GATM: variants seen among roughly 807,000 people sequenced by gnomAD.
The protein encoded by GATM is glycine amidinotransferase, mitochondrial.
In GATM, 23 loss-of-function variants were observed where a neutral mutation model predicts 54.2. That is an observed-to-expected ratio of 0.42 (90% CI 0.31 to 0.60). The LOEUF (loss-of-function observed/expected upper bound fraction) is 0.60, where lower values mean the gene tolerates loss of function less well. Ranked by LOEUF, GATM falls within the 20% of genes least tolerant of loss-of-function variation. GATM has a pLI of 0.14. For synonymous variants in GATM, 168 were observed against 183.1 expected, an observed-to-expected ratio of 0.92 and a Z score of 0.67; for missense variants, 401 against 544.9, an observed-to-expected ratio of 0.74 and a Z score of 2.63.
upstream of GATM, among the ~76,000 whole-genome samples, chr15:45,383,108 T>C (rs1047104005): frequency 6.6e-6 from 1 of 152,214 alleles, no homozygotes; most frequent in Non-Finnish European, 1.5e-5. Context: ...GCCAGAGTCC[T>C]TAATCAATTG....
At position 45,362,199 on chromosome 15, in the gene GATM, GT is replaced by G; in HGVS notation, c.1181del (p.Asn394ThrfsTer34). On this transcript the variant is annotated frameshift_variant, in exon 9 of 9. Transcript: ENST00000396659. LOFTEE classifies it high-confidence loss of function. ...CTCCCAGGGAATTGGCATTACGAATGTTAACTTTAATGGTAGTGATACCTGC... is the reference window on the plus strand; with the variant it reads ...CTCCCAGGGAATTGGCATTACGAATGTAACTTTAATGGTAGTGATACCTGC... ...EKLGITTIKV[N>X]IRNANSLGGG... 1 of 1,612,404 alleles carries G rather than the reference GT, an allele frequency of 6.2e-7. No individual in the cohort carries two copies. Among genetic ancestry groups the G allele is most frequent in the South Asian group, 1.1e-5 (1 of 91,026 alleles).
chr15:45,387,293 C>A (rs1482772252), intron 3 of GATM, among the ~76,000 whole-genome samples: 1 of 152,186 alleles, frequency 6.6e-6, no homozygotes, highest in Non-Finnish European at 1.5e-5. Context: ...CTGTAGCAAC[C>A]AAATTTCTGA....
At chr15:45,372,235 C>T (rs992200084) in intron 2 of GATM, among the ~76,000 whole-genome samples, 1 of 152,200 alleles carries the variant, frequency 6.6e-6, no homozygotes, top group African/African-American at 2.4e-5. Context: ...TGAGTAGTTG[C>T]AACAGAGACC....
chr15:45,363,221 G>A (rs1276779535), intron 8 of GATM, among the ~76,000 whole-genome samples: 2 of 152,028 alleles, frequency 1.3e-5, no homozygotes, highest in Non-Finnish European at 2.9e-5. Context: ...GCAGTGAGCC[G>A]AGGTCACGCC....
intron 2 of GATM, among the ~76,000 whole-genome samples, chr15:45,376,061 T>C (rs1889626828): frequency 6.6e-6 from 1 of 152,170 alleles, no homozygotes; most frequent in Admixed American, 6.5e-5. Context: ...AGATGATTCT[T>C]TTGTGTTTTA....
chr15:45,369,975 TTC>T (rs1889512906), intron 2 of GATM, among the ~76,000 whole-genome samples: 1 of 152,168 alleles, frequency 6.6e-6, no homozygotes, highest in South Asian at 2.1e-4. Flanking sequence ...CATCTCAGAA[TTC>T]TGTCTAGAAA....
rs1242506160 is a variant in GATM at position 45,366,068 on chromosome 15, T to C, written c.956A>G (p.Asn319Ser). ...NIIGPGIVLS[N>S]PDRPCHQIDL... ...TACCTGGTGACATGGTCGGTCAGGG[T>C]TGGAAAGCACAATACCAGGTCCAAT... is the stretch of plus-strand genomic sequence containing the variant. Residue 319 changes from asparagine to serine, a missense_variant, in exon 6 of 9, where the codon AAC becomes AGC. By Grantham distance (46) the Asn-to-Ser change is conservative (BLOSUM62 1). Around this residue, in one of 3 missense-constraint regions of GATM, gnomAD observed 321 missense variants for 457.5 expected, o/e 0.70. Transcript: ENST00000396659. The C allele has an allele frequency of 6.2e-7, 1 of 1,614,094 alleles. No individual in the cohort carries two copies.
chr15:45,400,848 C>A (rs1889992920), intron 1 of GATM, among the ~76,000 whole-genome samples: 1 of 152,204 alleles, frequency 6.6e-6, no homozygotes, highest in Admixed American at 6.5e-5. Context: ...CTTTCCCTCT[C>A]CCAGATCCTT....
intron 6 of GATM, among the ~76,000 whole-genome samples, chr15:45,365,087 C>T (rs936655708): frequency 5.3e-5 from 8 of 152,160 alleles, no homozygotes; most frequent in South Asian, 4.1e-4. Flanking sequence ...AGAAATGTTA[C>T]AGCTTTTAAA....
At chr15:45,383,826 G>C (rs1477095890) in intron 3 of GATM, among the ~76,000 whole-genome samples, 1 of 152,152 alleles carries the variant, frequency 6.6e-6, no homozygotes, top group African/African-American at 2.4e-5. Context: ...ACAGGCATGA[G>C]CCACCATGCC....
intron 8 of GATM, among the ~76,000 whole-genome samples, chr15:45,362,694 T>C (rs1176852621): frequency 6.6e-6 from 1 of 152,166 alleles, no homozygotes; most frequent in Non-Finnish European, 1.5e-5. Flanking sequence ...AAGGAAACAA[T>C]GGAACAGAGC....
chr15:45,372,978 G>A (rs1250255310), intron 2 of GATM, among the ~76,000 whole-genome samples: 11 of 152,152 alleles, frequency 7.2e-5, no homozygotes, highest in African/African-American at 2.4e-4. Context: ...CTGTTGCAAA[G>A]GTATGTCTGC....
At chr15:45,374,831 T>G (rs1213967103) in intron 2 of GATM, among the ~76,000 whole-genome samples, 2 of 152,214 alleles carry the variant, frequency 1.3e-5, no homozygotes, top group African/African-American at 2.4e-5. Flanking sequence ...ACCACGACAA[T>G]GCTGTTACAG....
In GATM at chr15:45,362,079, G is replaced by T; in HGVS notation, c.*30C>A. ...GCCCCTAAGCTTCTTAGGTGTATCT[G>T]AGGCCAGCCACAAGCTCCATCAGGC... is the stretch of plus-strand genomic sequence containing the variant. On this transcript the variant is annotated 3_prime_UTR_variant, in exon 9 of 9. Transcript: ENST00000396659. The T allele has an allele frequency of 1.5e-6, 2 of 1,372,554 alleles. No homozygotes were observed. Among genetic ancestry groups the T allele is most frequent in the Non-Finnish European group, 2.1e-6 (2 of 961,558 alleles). 85.0% of individuals were successfully genotyped at this position (1,372,554 alleles called of 1,614,324 possible).
Position 45,366,089 on chromosome 15 carries a change from C to G in GATM, c.935G>C (p.Gly312Ala). ...AGGGTTGGAAAGCACAATACCAGGTCCAATGATGTTGAAGGTAGCATCAAT... is the reference window on the plus strand; with the variant it reads ...AGGGTTGGAAAGCACAATACCAGGTGCAATGATGTTGAAGGTAGCATCAAT... ...MHIDATFNII[G>A]PGIVLSNPDR... Residue 312 changes from glycine (G) to alanine (A), a missense_variant, in exon 6 of 9, where the codon GGA (glycine) becomes GCA (alanine). Coordinates refer to ENST00000396659, the MANE Select transcript of GATM (RefSeq NM_001482.3). 2 of 1,614,062 alleles carry G rather than the reference C, an allele frequency of 1.2e-6. No homozygotes were observed. Among genetic ancestry groups the G allele is most frequent in the Non-Finnish European group, 1.7e-6 (2 of 1,180,008 alleles).
chr15:45,393,274 C>T (rs1455039194), intron 3 of GATM, among the ~76,000 whole-genome samples: 5 of 152,140 alleles, frequency 3.3e-5, no homozygotes, highest in Non-Finnish European at 7.3e-5. Context: ...TTGGTTATAG[C>T]GTAGCATAGT....
In GATM at chr15:45,368,587, G is replaced by A. The variant is rs970526060; in HGVS notation, c.485-327C>T. ...AGATTGTGCCACCACACTCCAGCCTGGGCGACAGAGTGAGACTCTGTCTCA... is the reference window on the plus strand; with the variant it reads ...AGATTGTGCCACCACACTCCAGCCTAGGCGACAGAGTGAGACTCTGTCTCA... On this transcript the variant is annotated intron_variant, in intron 3 of 8. Coordinates refer to ENST00000396659, the MANE Select transcript of GATM (RefSeq NM_001482.3). The surrounding 1 kb of genome is among the most constrained non-coding windows in gnomAD (Gnocchi z 5.1). Among the ~76,000 whole-genome samples, 1 of 151,888 alleles carries A rather than the reference G, an allele frequency of 6.6e-6. No homozygotes were observed. The highest frequency in any genetic ancestry group is 1.5e-5 in the Non-Finnish European group (1 of 67,966).
intron 1 of GATM, chr15:45,377,773 C>A: frequency 6.4e-6 from 1 of 155,670 alleles, no homozygotes; most frequent in Non-Finnish European, 1.4e-5. Flanking sequence ...CCAGGGCAGC[C>A]GAGGGCGGGG....
In GATM at chr15:45,364,834, C is replaced by T. The variant is rs1289761728; in HGVS notation, c.1005G>A (p.Trp335Ter). The part of the protein sequence containing the change: ...HQIDLFKKAG[W>*]TIITPPTPII... ...TTGGTGTTGGAGGAGTAATGATAGTCCATCCTGCTTTCTTGAAAAGATCAA... is the reference window on the plus strand; with the variant it reads ...TTGGTGTTGGAGGAGTAATGATAGTTCATCCTGCTTTCTTGAAAAGATCAA... The change falls in exon 7 of 9, where the codon TGG (tryptophan) becomes TGA (stop). Residue 335 changes from tryptophan to a stop codon, truncating the protein, a stop_gained. Coordinates refer to ENST00000396659, the MANE Select transcript of GATM (RefSeq NM_001482.3). LOFTEE classifies it high-confidence loss of function. 2 of 1,613,830 alleles carry T rather than the reference C, an allele frequency of 1.2e-6. No individual in the cohort carries two copies. Among genetic ancestry groups the T allele is most frequent in the Non-Finnish European group, 1.7e-6 (2 of 1,179,928 alleles).
Sources: allele counts gnomAD v4.1 joint callset (sites outside exome capture counted in the v4.1 genomes callset), GRCh38; gene constraint gnomAD v4.1.1; regional missense constraint gnomAD v4.1.1; non-coding constraint Gnocchi (gnomAD v3.1); transcripts MANE v1.5; gene names NCBI Gene and HGNC (gene_info 2026-07-23, HGNC 2026-07-21).